Variants in TNFAIP8 observed in about 807,000 individuals in gnomAD.
The protein encoded by TNFAIP8 is TNF alpha induced protein 8, also known as tumor necrosis factor alpha-induced protein 8.
A neutral mutation model predicts 13.3 loss-of-function variants in TNFAIP8; 7 were observed. That is an observed-to-expected ratio of 0.52 (90% confidence interval 0.30 to 0.99). The LOEUF is 0.99. Ranked by LOEUF, TNFAIP8 falls within the 50% of genes least tolerant of loss-of-function variation. The pLI, the probability that TNFAIP8 is intolerant of heterozygous loss-of-function variation, is 0.07. For synonymous variants in TNFAIP8, 94 were observed against 87.6 expected (o/e 1.07, Z -0.41); for missense variants, 258 against 236.9 (o/e 1.09, Z -0.58).
intron 1 of TNFAIP8, among the ~76,000 whole-genome samples, chr5:119,367,719 A>G (rs1751913540): frequency 6.6e-6 from 1 of 152,238 alleles, no homozygotes; most frequent in African/African-American, 2.4e-5. Flanking sequence ...TATAGATATG[A>G]CAAACCAGTT....
Position 119,308,392 on chromosome 5 carries a change from CTT to C in TNFAIP8, c.1+39503_1+39504del, listed in dbSNP as rs57948080. Among the ~76,000 whole-genome samples the C allele has an allele frequency of 8.5e-3, 1,094 of 129,190 alleles. 8 individuals are homozygous for C. The highest frequency in any genetic ancestry group is 0.052 in the South Asian group (213 of 4,124). The allele number at this position is 129,190 out of a possible 152,430, so 84.8% of individuals were successfully genotyped here. On this transcript the variant is annotated intron_variant, in intron 1 of 1. Coordinates refer to the TNFAIP8 transcript ENST00000274456. ...TTTTTCTCTCTTCTACGTTTCCCAC[CTT>C]TTTTTTTTTTTTTTTTTGGTTTCCC...
intron 1 of TNFAIP8, among the ~76,000 whole-genome samples, chr5:119,337,799 G>A (rs188860335): frequency 1.3e-4 from 20 of 152,262 alleles, no homozygotes; most frequent in Admixed American, 1.2e-3. Flanking sequence ...CTCAGTTAAA[G>A]TTGCCACCAA....
chr5:119,276,459 G>A (rs1306200705), intron 1 of TNFAIP8, among the ~76,000 whole-genome samples: 1 of 152,084 alleles, frequency 6.6e-6, no homozygotes, highest in Non-Finnish European at 1.5e-5. Context: ...AGTGATGATA[G>A]TGTTCTATAT....
At chr5:119,371,243 G>A (rs796497025) in intron 1 of TNFAIP8, among the ~76,000 whole-genome samples, 5 of 152,112 alleles carry the variant, frequency 3.3e-5, no homozygotes, top group Admixed American at 2.0e-4. Flanking sequence ...GTGGAGTCTG[G>A]TATTTGTATG....
intron 1 of TNFAIP8, among the ~76,000 whole-genome samples, chr5:119,389,530 C>T (rs1312115551): frequency 2.6e-5 from 4 of 152,192 alleles, no homozygotes; most frequent in Admixed American, 6.5e-5. Flanking sequence ...ACAGGAATGG[C>T]TAACAGCAGT....
intron 1 of TNFAIP8, among the ~76,000 whole-genome samples, chr5:119,387,874 T>C (rs1435672213): frequency 2.0e-5 from 3 of 152,202 alleles, no homozygotes; most frequent in African/African-American, 7.2e-5. Flanking sequence ...TGGTAATGCT[T>C]TGTATTTTTT....
chr5:119,302,768 C>T (rs951363149), intron 1 of TNFAIP8, among the ~76,000 whole-genome samples: 24 of 152,306 alleles, frequency 1.6e-4, no homozygotes, highest in African/African-American at 5.5e-4. Context: ...CAAGCAAAAA[C>T]ACCAAACAGC....
chr5:119,343,795 C>G (rs897688740), intron 1 of TNFAIP8, among the ~76,000 whole-genome samples: 10 of 152,122 alleles, frequency 6.6e-5, no homozygotes, highest in Admixed American at 1.3e-4. Context: ...CTGAGTATGG[C>G]TTTGGGTAGG....
chr5:119,386,981 CTCTT>C (rs1752705752), intron 1 of TNFAIP8, among the ~76,000 whole-genome samples: 1 of 147,874 alleles, frequency 6.8e-6, no homozygotes, highest in Non-Finnish European at 1.5e-5. Context: ...CTCCCTCCCT[CTCTT>C]TCCTTCCTTC....
intron 1 of TNFAIP8, among the ~76,000 whole-genome samples, chr5:119,350,953 TG>T (rs1751105247): frequency 9.6e-5 from 1 of 10,464 alleles, no homozygotes; most frequent in Non-Finnish European, 1.8e-4. Flanking sequence ...TATGTGTATT[TG>T]TGTGTGTGTG....
chr5:119,355,027 G>T (rs1423073657), upstream of TNFAIP8: 6 of 363,610 alleles, frequency 1.7e-5, no homozygotes, highest in Non-Finnish European at 3.0e-5. Flanking sequence ...GCCTATCAGT[G>T]GCAGCTCTTG....
intron 1 of TNFAIP8, among the ~76,000 whole-genome samples, chr5:119,280,327 C>G (rs1748588413): frequency 7.0e-6 from 1 of 142,156 alleles, no homozygotes; most frequent in Non-Finnish European, 1.5e-5. Context: ...TTAGTCTTAC[C>G]CATTAAAAAA....
At chr5:119,301,345 ACTATAATTCC>A (rs1749385675) in intron 1 of TNFAIP8, among the ~76,000 whole-genome samples, 1 of 152,080 alleles carries the variant, frequency 6.6e-6, no homozygotes, top group African/African-American at 2.4e-5. Flanking sequence ...GTTCCCAGTG[ACTATAATTCC>A]CTTGTCCGCC....
chr5:119,361,210 C>G (rs556687952), intron 1 of TNFAIP8, among the ~76,000 whole-genome samples: 14 of 150,714 alleles, frequency 9.3e-5, no homozygotes, highest in Non-Finnish European at 1.9e-4. Context: ...TCTCAGGAAG[C>G]ATTTGCGGGG....
At chr5:119,354,816 T>G (rs2112768562), upstream of TNFAIP8, 1 of 155,638 alleles carries the variant, frequency 6.4e-6, no homozygotes, top group East Asian at 1.9e-4. Context: ...TTTCACTAAA[T>G]TTGCCATAGT....
chr5:119,269,660 A>G (rs146178363), intron 1 of TNFAIP8, among the ~76,000 whole-genome samples: 207 of 152,348 alleles, frequency 1.4e-3, no homozygotes, highest in African/African-American at 4.8e-3. Context: ...TCGAAAACAC[A>G]GAAGCTCTAA....
chr5:119,355,501 C>G, upstream of TNFAIP8: 1 of 592,312 alleles, frequency 1.7e-6, no homozygotes, highest in Non-Finnish European at 3.0e-6. Context: ...ATCCATGCGA[C>G]TTTCCTACAA....
intron 1 of TNFAIP8, among the ~76,000 whole-genome samples, chr5:119,286,072 TA>T (rs1330371424): frequency 6.6e-6 from 1 of 152,192 alleles, no homozygotes; most frequent in African/African-American, 2.4e-5. Context: ...AATTGTGTAA[TA>T]AAAATATATT....
At chr5:119,361,621 GC>G (rs893386840) in intron 1 of TNFAIP8, among the ~76,000 whole-genome samples, 25 of 152,342 alleles carry the variant, frequency 1.6e-4, no homozygotes, top group African/African-American at 5.5e-4. Flanking sequence ...AGCTTTAGGT[GC>G]CTGAAGCCTC....
Sources: allele counts gnomAD v4.1 joint callset (sites outside exome capture counted in the v4.1 genomes callset), GRCh38; gene constraint gnomAD v4.1.1; transcripts MANE v1.5; gene names NCBI Gene and HGNC (gene_info 2026-07-23, HGNC 2026-07-21).